Variants in SH3RF2 observed in about 807,000 individuals in gnomAD.
SH3RF2 encodes E3 ubiquitin-protein ligase SH3RF2.
A neutral mutation model predicts 59.0 loss-of-function variants in SH3RF2; 43 were observed. The observed-to-expected ratio is 0.73, with a 90% CI of 0.57 to 0.94. The LOEUF is 0.94. Ranked by LOEUF, SH3RF2 falls within the 40% of genes least tolerant of loss-of-function variation. SH3RF2 has a pLI of 0.00. For synonymous variants in SH3RF2, 391 were observed against 391.5 expected (o/e 1.00, Z 0.01); for missense variants, 930 against 940.1 (o/e 0.99, Z 0.14).
chr5:146,045,565 T>C (rs1762273615), intron 5 of SH3RF2, among the ~76,000 whole-genome samples: 1 of 152,258 alleles, frequency 6.6e-6, no homozygotes, highest in Non-Finnish European at 1.5e-5. Context: ...TTCATATAAA[T>C]GGAATCAACT....
At position 145,997,813 on chromosome 5, in the gene SH3RF2, C is replaced by G. The variant is rs753742373; in HGVS notation, c.379-2245C>G. 2.0e-6 allele frequency: 3 copies of G among 1,499,262 alleles called. No individual in the cohort carries two copies. The South Asian group carries it at 3.4e-5, about 17-fold the overall frequency. The allele number at this position is 1,499,262 out of a possible 1,614,324, so 92.9% of individuals were successfully genotyped here. A position where few individuals can be genotyped will look rare whatever the true frequency, so the allele number is the denominator to read the frequency against. ...TAAAGAAAAAAAATTAAGCTAGGAT[C>G]CCCCGCCGAAATAGAAGTACCTGCA... On this transcript the variant is annotated intron_variant, in intron 2 of 9. Transcript: ENST00000359120.
At chr5:145,966,974 T>C (rs997588695) in intron 2 of SH3RF2, among the ~76,000 whole-genome samples, 2 of 152,010 alleles carry the variant, frequency 1.3e-5, no homozygotes, top group African/African-American at 4.8e-5. Context: ...TGAGCTAAGA[T>C]CACACCACTG....
At chr5:146,057,984 C>CTATCTATATA (rs1554120847) in intron 8 of SH3RF2, among the ~76,000 whole-genome samples, 149 of 145,812 alleles carry the variant, frequency 1.0e-3, no homozygotes, top group African/African-American at 3.7e-3. Flanking sequence ...ATCTATCTAT[C>CTATCTATATA]TATATATATA....
intron 5 of SH3RF2, among the ~76,000 whole-genome samples, chr5:146,027,025 T>A (rs185522603): frequency 6.6e-6 from 1 of 152,314 alleles, no homozygotes; most frequent in East Asian, 1.9e-4. Flanking sequence ...AGGGCCAGCC[T>A]ATACAAACAG....
chr5:145,982,246 A>C (rs1488932875), intron 2 of SH3RF2, among the ~76,000 whole-genome samples: 1 of 152,222 alleles, frequency 6.6e-6, no homozygotes, highest in Admixed American at 6.5e-5. Flanking sequence ...ATTATAGGAC[A>C]TGCTGGTTCC....
intron 5 of SH3RF2, among the ~76,000 whole-genome samples, chr5:146,031,757 G>A (rs1441742741): frequency 6.6e-6 from 1 of 152,140 alleles, no homozygotes; most frequent in Non-Finnish European, 1.5e-5. Context: ...TGCTTTGATA[G>A]CTGGATTCTC....
intron 8 of SH3RF2, among the ~76,000 whole-genome samples, chr5:146,057,311 C>T (rs248771): frequency 0.35 from 53,942 of 152,024 alleles, 9,843 homozygotes; most frequent in Non-Finnish European, 0.38. Context: ...TTCATTCCAC[C>T]CAACTATGCC....
intron 2 of SH3RF2, among the ~76,000 whole-genome samples, chr5:145,977,968 G>A (rs1759357818): frequency 1.3e-5 from 2 of 152,140 alleles, no homozygotes; most frequent in Admixed American, 6.6e-5. Flanking sequence ...CAGATAGAAA[G>A]TTTAGATGGG....
At position 146,060,030 on chromosome 5, in the gene SH3RF2, C is replaced by A; in HGVS notation, c.1720C>A (p.Pro574Thr). 6.2e-7 allele frequency: 1 copy of A among 1,611,624 alleles called. No individual in the cohort carries two copies. Among genetic ancestry groups the A allele is most frequent in the South Asian group, 1.1e-5 (1 of 90,624 alleles). The change falls in exon 9 of 10, where the codon CCT becomes ACT. Residue 574 changes from proline (P) to threonine (T), a missense_variant. Physicochemically the swap from Pro to Thr is conservative, Grantham distance 38. Transcript: ENST00000359120. Reference protein sequence around the residue: ...SAVVVEMGSKPALTGEPALTC... With the variant: ...SAVVVEMGSKTALTGEPALTC... ...CGTGGTGGTGGAGATGGGGTCCAAG[C>A]CTGCCCTCACGGGGGAGCCCGCCCT...
At chr5:145,937,339 G>A (rs576062957) in intron 1 of SH3RF2, among the ~76,000 whole-genome samples, 2 of 152,314 alleles carry the variant, frequency 1.3e-5, no homozygotes, top group East Asian at 1.9e-4. Context: ...ACATCTGCAT[G>A]AGATTCAGAT....
intron 2 of SH3RF2, among the ~76,000 whole-genome samples, chr5:145,988,301 T>A (rs970561516): frequency 6.6e-6 from 1 of 151,612 alleles, no homozygotes; most frequent in Non-Finnish European, 1.5e-5. Flanking sequence ...AGTCACATTG[T>A]TAGCTTAGAC....
chr5:146,039,952 C>A (rs1051869587), intron 5 of SH3RF2, among the ~76,000 whole-genome samples: 1 of 152,194 alleles, frequency 6.6e-6, no homozygotes, highest in South Asian at 2.1e-4. Flanking sequence ...CGAAAACTTC[C>A]TGTTAAGCAA....
At chr5:146,064,665 AG>A (rs1561773106), downstream of SH3RF2, among the ~76,000 whole-genome samples, 435 of 3,730 alleles carry the variant, frequency 0.12, 68 homozygotes, top group Admixed American at 0.19. Context: ...AGAGAGAAAG[AG>A]AAAGAAAGAA....
intron 4 of SH3RF2, among the ~76,000 whole-genome samples, chr5:146,005,384 C>T (rs929852056): frequency 6.6e-6 from 1 of 152,156 alleles, no homozygotes; most frequent in Non-Finnish European, 1.5e-5. Flanking sequence ...AAGTAAAAGG[C>T]GTGCTGTCCA....
intron 3 of SH3RF2, among the ~76,000 whole-genome samples, chr5:146,002,520 GGAAGGAAGGAAGGAA>G (rs1561734950): frequency 1.9e-4 from 28 of 149,104 alleles, no homozygotes; most frequent in African/African-American, 6.3e-4. Context: ...AAGGAAGGAA[GGAAGGAAGGAAGGAA>G]GGATAACCTA....
chr5:145,992,200 C>A (rs560428152), intron 2 of SH3RF2, among the ~76,000 whole-genome samples: 8 of 152,014 alleles, frequency 5.3e-5, no homozygotes, highest in Non-Finnish European at 1.0e-4. Context: ...GGTGAAACCC[C>A]GTCTCTGCAA....
rs1375255516 is a variant in SH3RF2 at position 145,952,826 on chromosome 5, G to A, written c.378+14520G>A. Among the ~76,000 whole-genome samples the A allele has an allele frequency of 3.3e-5, 5 of 152,148 alleles. No homozygotes were observed. In the East Asian group the frequency reaches 7.7e-4, roughly 23 times the overall value. ...CCAAGAAAGCTGTGTTATGAGGCCAGCTACTGCAGTGGGCAGTAAAGCTTA... is the reference window on the plus strand; with the variant it reads ...CCAAGAAAGCTGTGTTATGAGGCCAACTACTGCAGTGGGCAGTAAAGCTTA... On this transcript the variant is annotated intron_variant, in intron 2 of 9. Coordinates refer to ENST00000359120, the MANE Select transcript of SH3RF2 (RefSeq NM_152550.4).
chr5:146,026,791 G>A (rs754947436), intron 5 of SH3RF2, among the ~76,000 whole-genome samples: 1 of 152,170 alleles, frequency 6.6e-6, no homozygotes, highest in Non-Finnish European at 1.5e-5. Context: ...CCTTGGGCAA[G>A]ATACTTTACT....
chr5:145,971,296 A>G (rs1759071330), intron 2 of SH3RF2, among the ~76,000 whole-genome samples: 1 of 152,218 alleles, frequency 6.6e-6, no homozygotes, highest in Non-Finnish European at 1.5e-5. Context: ...GCAACAAGCC[A>G]ATAACAGTAG....
Sources: gnomAD v4.1 joint callset for allele counts (sites outside exome capture counted in the v4.1 genomes callset) on GRCh38, gnomAD v4.1.1 for gene constraint, MANE v1.5 for transcripts, NCBI Gene and HGNC (gene_info 2026-07-23, HGNC 2026-07-21) for gene names.